The following R3HDM2 variants were observed in gnomAD, a reference collection of about 807,000 sequenced individuals.
R3HDM2 encodes R3H domain-containing protein 2.
A neutral mutation model predicts 124.5 loss-of-function variants in R3HDM2; 38 were observed. The observed-to-expected ratio is 0.31, with a 90% CI of 0.24 to 0.40. R3HDM2 has a LOEUF of 0.40. Among genes scored for constraint, R3HDM2 ranks in the 10% least tolerant of loss-of-function variants. The probability of loss-of-function intolerance (pLI) is 1.00; values close to 1 mark genes in which losing one functional copy is unlikely to be tolerated. For synonymous variants in R3HDM2, 391 were observed against 448.0 expected, an observed-to-expected ratio of 0.87 and a Z score of 1.61; for missense variants, 869 against 1,236.9, an observed-to-expected ratio of 0.70 and a Z score of 4.46.
chr12:57,400,422 G>A (rs1180784872), intron 1 of R3HDM2, among the ~76,000 whole-genome samples: 2 of 151,542 alleles, frequency 1.3e-5, no homozygotes, highest in South Asian at 4.2e-4. Flanking sequence ...ATCACACACC[G>A]GGGCCTGTTG....
At chr12:57,361,090 T>C (rs1593910790) in intron 2 of R3HDM2, among the ~76,000 whole-genome samples, 2 of 135,060 alleles carry the variant, frequency 1.5e-5, no homozygotes, top group South Asian at 2.3e-4. Flanking sequence ...AAGCAAAGCA[T>C]AGGCTTTTCT....
Position 57,430,764 on chromosome 12 carries a change from C to T in R3HDM2, c.-150G>A, listed in dbSNP as rs1422523039. On this transcript the variant is annotated 5_prime_UTR_variant, in exon 1 of 24. Coordinates refer to ENST00000402412, the MANE Select transcript of R3HDM2 (RefSeq NM_001394031.1). Reference sequence around the variant, plus strand: ...GGAGGGCGCCCACGTCTCCGCCCGCCGCCCGGGCCCACGGCCGCTCGGCTG... The same window carrying T: ...GGAGGGCGCCCACGTCTCCGCCCGCTGCCCGGGCCCACGGCCGCTCGGCTG... 1 of 176,518 alleles carries T rather than the reference C, an allele frequency of 5.7e-6. No individual in the cohort carries two copies. Among genetic ancestry groups the T allele is most frequent in the African/African-American group, 2.4e-5 (1 of 41,496 alleles). 10.9% of individuals were successfully genotyped at this position (176,518 alleles called of 1,614,324 possible).
intron 3 of R3HDM2, among the ~76,000 whole-genome samples, chr12:57,304,067 C>G (rs1296048724): frequency 6.6e-6 from 1 of 152,086 alleles, no homozygotes; most frequent in East Asian, 1.9e-4. Context: ...ATAGTTCCAA[C>G]TTGAGATACC....
chr12:57,391,168 G>A (rs1387898666), intron 2 of R3HDM2, among the ~76,000 whole-genome samples: 1 of 152,104 alleles, frequency 6.6e-6, no homozygotes, highest in African/African-American at 2.4e-5. Flanking sequence ...TGCAATAGAT[G>A]AAAATTGGAA....
chr12:57,378,433 G>C (rs1391819076), intron 2 of R3HDM2, among the ~76,000 whole-genome samples: 1 of 151,964 alleles, frequency 6.6e-6, no homozygotes, highest in Non-Finnish European at 1.5e-5. Flanking sequence ...AGGCTGGTGT[G>C]CAGTGGTGCA....
intron 2 of R3HDM2, among the ~76,000 whole-genome samples, chr12:57,355,250 G>A (rs1566307154): frequency 6.6e-6 from 1 of 151,574 alleles, no homozygotes; most frequent in Non-Finnish European, 1.5e-5. Context: ...GAGGTCAGGA[G>A]ATCGAGACCA....
rs551682635 is a variant in R3HDM2, at chr12:57,359,168, C to T, written c.-36+36581G>A. 6.3e-4 allele frequency among the ~76,000 whole-genome samples: 96 copies of T among 152,158 alleles called. 1 individual carries two copies. Among genetic ancestry groups the T allele is most frequent in the Admixed American group, 6.0e-3 (92 of 15,262 alleles). On this transcript the variant is annotated intron_variant, in intron 2 of 23. Coordinates refer to ENST00000402412, the MANE Select transcript of R3HDM2 (RefSeq NM_001394031.1). ...CTGACCTCAAATGATCCAACCACCT[C>T]GGCCTCCCAAAGTGCCGGGATTACA...
chr12:57,413,892 G>A (rs896884659), intron 1 of R3HDM2, among the ~76,000 whole-genome samples: 1 of 137,944 alleles, frequency 7.2e-6, no homozygotes, highest in African/African-American at 2.7e-5. Flanking sequence ...TGTCACCTAG[G>A]CTGGAGTACG....
intron 2 of R3HDM2, among the ~76,000 whole-genome samples, chr12:57,380,537 C>T (rs563795300): frequency 6.6e-6 from 1 of 152,256 alleles, no homozygotes; most frequent in African/African-American, 2.4e-5. Flanking sequence ...CCCATACTAG[C>T]CTGGGTACTT....
At chr12:57,303,116 T>G in intron 4 of R3HDM2, 60 bp downstream of exon 4, 1 of 1,390,306 alleles carries the variant, frequency 7.2e-7, no homozygotes. Context: ...TCATGACAAG[T>G]CTACTTGTGA....
At chr12:57,406,628 C>T (rs2068549973) in intron 1 of R3HDM2, among the ~76,000 whole-genome samples, 2 of 152,066 alleles carry the variant, frequency 1.3e-5, no homozygotes, top group South Asian at 4.1e-4. Context: ...TTTATAATCT[C>T]TAATGAAGTT....
intron 1 of R3HDM2, among the ~76,000 whole-genome samples, chr12:57,411,166 A>G (rs1384758828): frequency 2.6e-5 from 4 of 152,164 alleles, no homozygotes; most frequent in East Asian, 1.9e-4. Context: ...CATCAAAACA[A>G]TATTTTATAC....
intron 14 of R3HDM2, among the ~76,000 whole-genome samples, chr12:57,270,543 C>T (rs573857249): frequency 6.6e-6 from 1 of 152,296 alleles, no homozygotes; most frequent in African/African-American, 2.4e-5. Flanking sequence ...AATTCTCCTG[C>T]CTCAGCCTCC....
chr12:57,268,152 G>A, intron 18 of R3HDM2, 151 bp downstream of exon 18: 1 of 734,206 alleles, frequency 1.4e-6, no homozygotes, highest in Non-Finnish European at 2.0e-6. Flanking sequence ...AAGTGAAAAG[G>A]AGAATGAACT....
At position 57,362,456 on chromosome 12, in the gene R3HDM2, A is replaced by T. The variant is rs1455628018; in HGVS notation, c.-36+33293T>A. On this transcript the variant is annotated intron_variant, in intron 2 of 23. Coordinates refer to ENST00000402412, the MANE Select transcript of R3HDM2 (RefSeq NM_001394031.1). The stretch of plus-strand genomic sequence containing the variant: ...AATCAACTGTTTATGGTTATTGTTA[A>T]GGCTATTAATCAACTGTTGAATTGT... Among the ~76,000 whole-genome samples the T allele has an allele frequency of 3.9e-5, 6 of 152,262 alleles. No individual in the cohort carries two copies. The East Asian group carries it at 9.6e-4, about 24-fold the overall frequency.
chr12:57,378,033 A>C (rs1594174456), intron 2 of R3HDM2, among the ~76,000 whole-genome samples: 1 of 152,278 alleles, frequency 6.6e-6, no homozygotes, highest in East Asian at 1.9e-4. Context: ...CAGGAGGCGG[A>C]GGTTAAAGTG....
intron 4 of R3HDM2, among the ~76,000 whole-genome samples, chr12:57,301,898 T>C (rs1428447840): frequency 6.6e-6 from 1 of 152,268 alleles, no homozygotes; most frequent in Admixed American, 6.5e-5. Context: ...TAGTCTTCCC[T>C]GATAACTCTG....
At chr12:57,374,200 C>T (rs1227970185) in intron 2 of R3HDM2, among the ~76,000 whole-genome samples, 2 of 152,022 alleles carry the variant, frequency 1.3e-5, no homozygotes, top group Non-Finnish European at 2.9e-5. Context: ...GAGCTGCAGT[C>T]CCAGCTACTC....
Position 57,413,762 on chromosome 12 carries a change from C to A in R3HDM2, c.-106+16958G>T, listed in dbSNP as rs577394284. ...AAGGAAAAAACAACAACAACAACAACAAAAAAAACAAACTCAGGTTAGACA... is the reference window on the plus strand; with the variant it reads ...AAGGAAAAAACAACAACAACAACAAAAAAAAAAACAAACTCAGGTTAGACA... On this transcript the variant is annotated intron_variant, in intron 1 of 23. Transcript: ENST00000402412. 6.7e-3 allele frequency among the ~76,000 whole-genome samples: 1,004 copies of A among 149,708 alleles called. 5 individuals carry two copies. Among genetic ancestry groups the A allele is most frequent in the Non-Finnish European group, 0.01 (706 of 67,506 alleles).
Sources: gnomAD v4.1 joint callset for allele counts (sites outside exome capture counted in the v4.1 genomes callset) on GRCh38, gnomAD v4.1.1 for gene constraint, MANE v1.5 for transcripts, NCBI Gene and HGNC (gene_info 2026-07-23, HGNC 2026-07-21) for gene names.